Variants in PIP5K1B observed in about 807,000 individuals in gnomAD.
The protein encoded by PIP5K1B is phosphatidylinositol-4-phosphate 5-kinase type 1 beta, also known as phosphatidylinositol 4-phosphate 5-kinase type-1 beta.
PIP5K1B carries 42 observed loss-of-function variants against 67.0 expected under a neutral mutation model. That is an observed-to-expected ratio of 0.63 (90% CI 0.49 to 0.81). The LOEUF (loss-of-function observed/expected upper bound fraction) is 0.81. PIP5K1B is among the 30% of genes least tolerant of loss of function. The probability of loss-of-function intolerance (pLI) is 0.00; values close to 1 mark genes in which losing one functional copy is unlikely to be tolerated. For synonymous variants in PIP5K1B, 214 were observed against 231.4 expected, an observed-to-expected ratio of 0.92 and a Z score of 0.68; for missense variants, 459 against 646.3, an observed-to-expected ratio of 0.71 and a Z score of 3.14.
At chr9:68,709,984 C>T (rs2132233413) in intron 1 of PIP5K1B, among the ~76,000 whole-genome samples, 1 of 152,308 alleles carries the variant, frequency 6.6e-6, no homozygotes, top group Middle Eastern at 3.4e-3. Flanking sequence ...AAGCCAGAAG[C>T]CAAAGGTAGC....
At chr9:68,708,928 A>G (rs973362701) in intron 1 of PIP5K1B, among the ~76,000 whole-genome samples, 1 of 152,220 alleles carries the variant, frequency 6.6e-6, no homozygotes, top group Admixed American at 6.5e-5. Flanking sequence ...TTAAATATTA[A>G]TTAGTTTAGA....
chr9:68,852,015 G>A (rs999501895), intron 4 of PIP5K1B, among the ~76,000 whole-genome samples: 6 of 152,148 alleles, frequency 3.9e-5, no homozygotes, highest in Non-Finnish European at 8.8e-5. Context: ...CTTTTTATGA[G>A]AACACATGGA....
rs1035336447 is a variant in PIP5K1B, at chr9:68,876,697, C to T, written c.221C>T (p.Pro74Leu). 2.0e-5 allele frequency: 32 copies of T among 1,599,956 alleles called. No individual in the cohort carries two copies. The highest frequency in any genetic ancestry group is 2.7e-5 in the Non-Finnish European group (32 of 1,167,146). ...FLPSEGSNLT[P>L]AHHYPDFRFK... Reference sequence around the variant, plus strand: ...TTCAGCGAAGGGAGCAATCTGACCCCAGCACATCACTACCCAGACTTTAGA... The same window carrying T: ...TTCAGCGAAGGGAGCAATCTGACCCTAGCACATCACTACCCAGACTTTAGA... Residue 74 changes from proline (P) to leucine (L), a missense_variant, in exon 6 of 16, where the codon CCA becomes CTA. By Grantham distance (98) the Pro-to-Leu change is moderately conservative. Coordinates refer to ENST00000265382, the MANE Select transcript of PIP5K1B (RefSeq NM_003558.4).
chr9:68,860,932 C>T (rs1823030111), intron 4 of PIP5K1B, among the ~76,000 whole-genome samples: 1 of 152,140 alleles, frequency 6.6e-6, no homozygotes, highest in Admixed American at 6.6e-5. Flanking sequence ...AGTAAGAGTG[C>T]CTACCTCATA....
chr9:68,955,772 C>T (rs1190331550), intron 14 of PIP5K1B, among the ~76,000 whole-genome samples: 1 of 152,090 alleles, frequency 6.6e-6, no homozygotes, highest in Non-Finnish European at 1.5e-5. Context: ...TTACTGTATC[C>T]ATATGGAAGA....
chr9:68,707,870 G>C (rs1428209391), intron 1 of PIP5K1B: 3 of 152,140 alleles, frequency 2.0e-5, no homozygotes, highest in Admixed American at 2.0e-4. Flanking sequence ...TCACTTCCAA[G>C]TCTCAAGTGT....
At chr9:68,928,702 A>T (rs1338133761) in intron 12 of PIP5K1B, among the ~76,000 whole-genome samples, 1 of 152,192 alleles carries the variant, frequency 6.6e-6, no homozygotes, top group African/African-American at 2.4e-5. Flanking sequence ...TAGTAGTGAT[A>T]ATGTTTATAG....
intron 5 of PIP5K1B, among the ~76,000 whole-genome samples, chr9:68,871,161 A>T (rs947066180): frequency 3.9e-5 from 6 of 152,128 alleles, no homozygotes; most frequent in African/African-American, 1.2e-4. Context: ...GTGAAATTCT[A>T]CCCACCAGCC....
chr9:68,963,083 T>C (rs1420679927), intron 14 of PIP5K1B: 1 of 446,390 alleles, frequency 2.2e-6, no homozygotes, highest in Non-Finnish European at 4.5e-6. Context: ...TTACTCATAA[T>C]AACTTGACCT....
At chr9:69,008,403 G>C (rs748559044) in intron 15 of PIP5K1B, 44 bp from the exon 16 acceptor site, 1 of 1,607,170 alleles carries the variant, frequency 6.2e-7, no homozygotes, top group South Asian at 1.1e-5. Context: ...GTTACAAATT[G>C]ATGCCAAAAT....
At chr9:68,869,198 C>T (rs1036862152) in intron 5 of PIP5K1B, among the ~76,000 whole-genome samples, 5 of 152,168 alleles carry the variant, frequency 3.3e-5, no homozygotes, top group African/African-American at 1.2e-4. Context: ...ACCAGCAGCA[C>T]AGCAGGAGGT....
chr9:68,857,808 A>C (rs1029704845), intron 4 of PIP5K1B, among the ~76,000 whole-genome samples: 1 of 152,182 alleles, frequency 6.6e-6, no homozygotes, highest in Non-Finnish European at 1.5e-5. Context: ...TTGAGGTTAC[A>C]ATGAGCTGTG....
intron 14 of PIP5K1B, 148 bp downstream of exon 14, chr9:68,940,938 T>A (rs1827529717): frequency 1.3e-6 from 1 of 776,644 alleles, no homozygotes; most frequent in Non-Finnish European, 2.2e-6. Flanking sequence ...CATGCTTGAT[T>A]TTTACTGTGG....
chr9:68,931,210 G>A (rs753319146), intron 12 of PIP5K1B, among the ~76,000 whole-genome samples: 33 of 152,170 alleles, frequency 2.2e-4, no homozygotes, highest in Non-Finnish European at 4.1e-4. Flanking sequence ...AAACTTCACT[G>A]AAATTCTCCA....
At chr9:68,894,290 T>C in intron 7 of PIP5K1B, 49 bp from the exon 8 acceptor site, 1 of 1,194,682 alleles carries the variant, frequency 8.4e-7, no homozygotes, top group South Asian at 1.4e-5. Flanking sequence ...GAGCATTATT[T>C]TGTCAAAATA....
chr9:68,782,818 A>G (rs1412988), intron 2 of PIP5K1B: 154,120 of 167,156 alleles, frequency 0.92, 71,218 homozygotes, highest in Admixed American at 0.95. Flanking sequence ...ATTATCTTCA[A>G]CACAGGAATT....
intron 15 of PIP5K1B, among the ~76,000 whole-genome samples, chr9:68,996,907 A>G (rs1187568316): frequency 6.6e-6 from 1 of 152,204 alleles, no homozygotes; most frequent in Non-Finnish European, 1.5e-5. Flanking sequence ...ATGCCCTTAC[A>G]CTTTCCATAT....
chr9:68,798,654 G>A (rs1028875363), intron 2 of PIP5K1B, among the ~76,000 whole-genome samples: 7 of 152,116 alleles, frequency 4.6e-5, no homozygotes, highest in Admixed American at 2.0e-4. Flanking sequence ...AGCTAGGCAG[G>A]CAACAGACCA....
intron 9 of PIP5K1B, among the ~76,000 whole-genome samples, chr9:68,918,097 T>A (rs1587664649): frequency 6.9e-6 from 1 of 145,284 alleles, no homozygotes; most frequent in Admixed American, 6.7e-5. Flanking sequence ...ATTTATTTAT[T>A]TTTTTTTTTT....
Sources: allele counts gnomAD v4.1 joint callset (sites outside exome capture counted in the v4.1 genomes callset), GRCh38; gene constraint gnomAD v4.1.1; transcripts MANE v1.5; gene names NCBI Gene and HGNC (gene_info 2026-07-23, HGNC 2026-07-21).